TNNT1: variants seen among roughly 807,000 people sequenced by gnomAD.
The protein encoded by TNNT1 is troponin T, slow skeletal muscle.
Under a neutral mutation model 50.6 loss-of-function variants are expected in TNNT1, and 53 were observed. The ratio of observed to expected loss-of-function variants is 1.05; its 90% CI spans 0.84 to 1.32. The LOEUF (loss-of-function observed/expected upper bound fraction) is 1.32, where lower values mean the gene tolerates loss of function less well. TNNT1 is among the 40% of genes most tolerant of loss of function. The pLI is 0.00. For synonymous variants in TNNT1, 142 were observed against 138.0 expected (o/e 1.03, Z -0.20); for missense variants, 348 against 381.7 (o/e 0.91, Z 0.74).
intron 1 of TNNT1, among the ~76,000 whole-genome samples, chr19:55,148,948 G>A (rs993709430): frequency 6.6e-6 from 1 of 152,026 alleles, no homozygotes; most frequent in African/African-American, 2.4e-5. Context: ...GCAGCCCCGG[G>A]TTAGGATTTG....
chr19:55,140,922 G>T lies in TNNT1; in HGVS notation c.348C>A (p.Phe116Leu), dbSNP rs763320583. The T allele has an allele frequency of 6.2e-7, 1 of 1,613,844 alleles. No individual in the cohort carries two copies. Among genetic ancestry groups the T allele is most frequent in the Non-Finnish European group, 8.5e-7 (1 of 1,180,024 alleles). The change falls in exon 9 of 14, where the codon TTC (phenylalanine) becomes TTA (leucine). Residue 116 changes from phenylalanine to leucine, a missense_variant. Phe to Leu is a conservative substitution (Grantham distance 22). Transcript: ENST00000588981. The stretch of plus-strand genomic sequence containing the variant: ...GACGTTCGCGTTCCTTCTCAGTTCT[G>T]AAGCGCTGTTGCTCGGCTCTCTCTG... Reference protein sequence around the residue: ...RRSERAEQQRFRTEKERERQA... With the variant: ...RRSERAEQQRLRTEKERERQA...
intron 11 of TNNT1, among the ~76,000 whole-genome samples, chr19:55,136,364 G>A (rs976248945): frequency 6.6e-6 from 1 of 152,136 alleles, no homozygotes; most frequent in African/African-American, 2.4e-5. Context: ...TGGAATTACA[G>A]GCATGAGCCA....
Position 55,145,366 on chromosome 19 carries a change from A to AGGAGGAGGGAGAGGAG in TNNT1, c.128+162_128+177dup, listed in dbSNP as rs1444372028. 2.1e-5 allele frequency: 13 copies of AGGAGGAGGGAGAGGAG among 625,198 alleles called. No individual in the cohort carries two copies. In the East Asian group the frequency reaches 3.5e-4, roughly 17 times the overall value. The allele number at this position is 625,198 out of a possible 1,614,324, so 38.7% of individuals were successfully genotyped here. The stretch of plus-strand genomic sequence containing the variant: ...AAGAGGAAGTGGAGGAGGAGGAGGG[A>AGGAGGAGGGAGAGGAG]GGAGGAGGGAGAGGAGGGAGGAGGG... On this transcript the variant is annotated intron_variant, in intron 6 of 13. Transcript: ENST00000588981.
At chr19:55,138,839 C>T (rs562119431) in intron 9 of TNNT1, among the ~76,000 whole-genome samples, 1 of 152,218 alleles carries the variant, frequency 6.6e-6, no homozygotes, top group Non-Finnish European at 1.5e-5. Flanking sequence ...GGCCTTGAGC[C>T]TGAGGAAGGG....
chr19:55,147,869 A>G (rs2562509), intron 1 of TNNT1: 113,125 of 152,640 alleles, frequency 0.74, 41,961 homozygotes, highest in African/African-American at 0.83. Flanking sequence ...CTGGGAGTCT[A>G]GACTCCTGAG....
At chr19:55,140,059 G>A (rs899383864) in intron 9 of TNNT1, among the ~76,000 whole-genome samples, 1 of 151,854 alleles carries the variant, frequency 6.6e-6, no homozygotes, top group African/African-American at 2.4e-5. Context: ...GGAGGCGGAG[G>A]TTGCAGTGAG....
intron 6 of TNNT1, among the ~76,000 whole-genome samples, chr19:55,142,785 C>T (rs867728897): frequency 7.9e-5 from 12 of 150,962 alleles, no homozygotes; most frequent in Admixed American, 1.3e-4. Context: ...CGACCTCAGG[C>T]GATCTGCCTG....
At chr19:55,146,983 T>G (rs765676141) in intron 3 of TNNT1, 25 bp downstream of exon 3, 1 of 1,596,336 alleles carries the variant, frequency 6.3e-7, no homozygotes, top group Non-Finnish European at 8.5e-7. Flanking sequence ...CCCCATCCCA[T>G]AGGGCCGGCC....
At chr19:55,142,351 G>A (rs2085474509) in intron 6 of TNNT1, among the ~76,000 whole-genome samples, 1 of 151,302 alleles carries the variant, frequency 6.6e-6, no homozygotes, top group Non-Finnish European at 1.5e-5. Flanking sequence ...TCGATCTCCT[G>A]ACCTCGTGAT....
At chr19:55,140,560 T>C (rs1467669662) in intron 9 of TNNT1, 1 of 161,706 alleles carries the variant, frequency 6.2e-6, no homozygotes, top group Non-Finnish European at 1.4e-5. Context: ...GGGCGGATCA[T>C]GTGGTCAGAA....
intron 6 of TNNT1, among the ~76,000 whole-genome samples, chr19:55,143,514 C>G (rs2085495708): frequency 6.6e-6 from 1 of 152,080 alleles, no homozygotes; most frequent in Non-Finnish European, 1.5e-5. Context: ...GAGGACAATC[C>G]CCAAGGGTCT....
intron 6 of TNNT1, among the ~76,000 whole-genome samples, chr19:55,142,733 A>T (rs574778607): frequency 9.9e-5 from 15 of 151,614 alleles, no homozygotes; most frequent in African/African-American, 3.6e-4. Flanking sequence ...TTTTTAGTAG[A>T]GACGGGGTTT....
chr19:55,133,443 G>A, intron 13 of TNNT1: 2 of 304,122 alleles, frequency 6.6e-6, no homozygotes, highest in Non-Finnish European at 1.3e-5. Context: ...ACTTTAGGAG[G>A]CCAAGGCGGG....
At chr19:55,135,652 G>C (rs2085334745) in intron 11 of TNNT1, 1 of 157,210 alleles carries the variant, frequency 6.4e-6, no homozygotes, top group South Asian at 1.5e-4. Context: ...TCAGCCTCCA[G>C]AGTAGCTGGG....
At chr19:55,142,024 G>A (rs1257799400) in intron 6 of TNNT1, 104 bp from the exon 7 acceptor site, 2 of 1,166,342 alleles carry the variant, frequency 1.7e-6, no homozygotes, top group African/African-American at 3.0e-5. Context: ...GCCCCGGGAG[G>A]CTCCTGAACG....
chr19:55,141,721 T>G (rs1384804866), intron 7 of TNNT1, 136 bp downstream of exon 7: 1 of 947,934 alleles, frequency 1.1e-6, no homozygotes, highest in East Asian at 2.4e-5. Context: ...TGACCTCAGG[T>G]GGGTCACCTC....
At chr19:55,146,940 C>G in intron 3 of TNNT1, 68 bp downstream of exon 3, 2 of 1,516,946 alleles carry the variant, frequency 1.3e-6, no homozygotes, top group South Asian at 2.6e-5. Flanking sequence ...TGCCACACTC[C>G]TCGCCTCCCC....
At chr19:55,143,820 C>G (rs1405301639) in intron 6 of TNNT1, among the ~76,000 whole-genome samples, 1 of 152,174 alleles carries the variant, frequency 6.6e-6, no homozygotes, top group African/African-American at 2.4e-5. Flanking sequence ...GGTCCAGACT[C>G]TCTCCTAAGC....
At chr19:55,141,370 C>G (rs2085451476) in intron 7 of TNNT1, 68 bp from the exon 8 acceptor site, 3 of 1,170,276 alleles carry the variant, frequency 2.6e-6, no homozygotes, top group Non-Finnish European at 3.9e-6. Context: ...AGCACCTCCC[C>G]CATGCAGGAT....
Sources: gnomAD v4.1 joint callset for allele counts (sites outside exome capture counted in the v4.1 genomes callset) on GRCh38, gnomAD v4.1.1 for gene constraint, MANE v1.5 for transcripts, NCBI Gene and HGNC (gene_info 2026-07-23, HGNC 2026-07-21) for gene names.